The following DDX25 variants were observed in gnomAD, a reference collection of about 807,000 sequenced individuals.
DDX25 encodes the protein DEAD-box helicase 25, also known as ATP-dependent RNA helicase DDX25.
Under a neutral mutation model 64.6 loss-of-function variants are expected in DDX25, and 70 were observed. The observed-to-expected ratio is 1.08, with a 90% confidence interval of 0.89 to 1.32. The LOEUF is 1.32. DDX25 is among the 40% of genes most tolerant of loss of function. The pLI is 0.00. For synonymous variants in DDX25, 211 were observed against 213.3 expected, an observed-to-expected ratio of 0.99 and a Z score of 0.09; for missense variants, 587 against 604.4, an observed-to-expected ratio of 0.97 and a Z score of 0.30.
Position 125,928,513 on chromosome 11 carries a change from T to C in DDX25, c.*5632T>C, listed in dbSNP as rs1206257464. 1 of 152,238 alleles carries C rather than the reference T, an allele frequency of 6.6e-6. No homozygotes were observed. The highest frequency in any genetic ancestry group is 2.4e-5 in the African/African-American group (1 of 41,464). 9.4% of individuals were successfully genotyped at this position (152,238 alleles called of 1,614,324 possible). On this transcript the variant is annotated 3_prime_UTR_variant, in exon 12 of 12. Coordinates refer to ENST00000263576, the MANE Select transcript of DDX25 (RefSeq NM_013264.5). Reference sequence around the variant, plus strand: ...ACCAGGTCGAAAACTAGAAGCACTTTAACAGCATTTAACAGATTTTGTTAG... The same window carrying C: ...ACCAGGTCGAAAACTAGAAGCACTTCAACAGCATTTAACAGATTTTGTTAG...
intron 3 of DDX25, 22 bp from the exon 4 acceptor site, chr11:125,906,052 T>G: frequency 6.6e-7 from 1 of 1,526,166 alleles, no homozygotes; most frequent in Non-Finnish European, 8.8e-7. Flanking sequence ...TGATGTCCTC[T>G]TTTTTATTTT....
chr11:125,921,262 T>C lies in DDX25; in HGVS notation c.1273T>C (p.Tyr425His), dbSNP rs1244607321. 2 of 1,613,294 alleles carry C rather than the reference T, an allele frequency of 1.2e-6. No homozygotes were observed. The highest frequency in any genetic ancestry group is 1.3e-5 in the African/African-American group (1 of 75,046). The part of the protein sequence containing the change: ...LPVKQGEEPD[Y>H]ETYLHRIGRT... ...TGTAAAACAAGGAGAGGAGCCGGAC[T>C]ATGAGACCTACCTCCACCGCATAGG... is the stretch of plus-strand genomic sequence containing the variant. Residue 425 changes from tyrosine to histidine, a missense_variant, in exon 11 of 12, where the codon TAT becomes CAT. Transcript: ENST00000263576. This position sits in a 1 kb window ranked among gnomAD's most constrained non-coding sequence, Gnocchi z 4.1.
upstream of DDX25, chr11:125,904,415 A>G (rs1390094592): frequency 1.0e-5 from 12 of 1,146,184 alleles, no homozygotes; most frequent in Non-Finnish European, 1.3e-5. Context: ...GCGGACGCGG[A>G]CGCCTGCCCC....
chr11:125,922,293 T>C, intron 11 of DDX25: 1 of 152,496 alleles, frequency 6.6e-6, no homozygotes, highest in Non-Finnish European at 1.5e-5. Context: ...AAGGAACACC[T>C]TCCAGGACAG....
rs763976592 is a variant in DDX25 at position 125,917,157 on chromosome 11, A to G, written c.944A>G (p.Tyr315Cys). 3.1e-6 allele frequency: 5 copies of G among 1,611,434 alleles called. No homozygotes were observed. In the Admixed American group the frequency reaches 8.4e-5, roughly 27 times the overall value. ...EELTLNNIRQ[Y>C]YVLCEHRKDK... Reference sequence around the variant, plus strand: ...CTCACACTGAACAACATCCGGCAATATTACGTGCTGTGTGAGCACAGGAAA... The same window carrying G: ...CTCACACTGAACAACATCCGGCAATGTTACGTGCTGTGTGAGCACAGGAAA... The change falls in exon 9 of 12, where the codon TAT becomes TGT. Residue 315 changes from tyrosine (Y) to cysteine (C), a missense_variant. By Grantham distance (194) the Tyr-to-Cys change is radical. Coordinates refer to ENST00000263576, the MANE Select transcript of DDX25 (RefSeq NM_013264.5).
chr11:125,908,589 G>T, intron 6 of DDX25, 86 bp downstream of exon 6: 1 of 1,213,050 alleles, frequency 8.2e-7, no homozygotes, highest in Non-Finnish European at 1.2e-6. Context: ...CAATGATATG[G>T]TTACTATGGT....
Position 125,922,920 on chromosome 11 carries a change from G to A in DDX25, c.*39G>A, listed in dbSNP as rs1326477466. On this transcript the variant is annotated 3_prime_UTR_variant, in exon 12 of 12. Transcript: ENST00000263576. ...TTGTTTGTGCAGTATCCTAGTTTAT[G>A]TGAGAATGTCTCAGTGGGTTTTGAA... 1.3e-6 allele frequency: 2 copies of A among 1,560,512 alleles called. No homozygotes were observed. The highest frequency in any genetic ancestry group is 1.7e-6 in the Non-Finnish European group (2 of 1,146,852).
chr11:125,915,687 A>G (rs1445430313), intron 8 of DDX25, among the ~76,000 whole-genome samples: 1 of 152,226 alleles, frequency 6.6e-6, no homozygotes. Flanking sequence ...AGCATGTGGA[A>G]TGCAGAGTTT....
chr11:125,909,392 T>C (rs1248180965), intron 6 of DDX25, among the ~76,000 whole-genome samples: 1 of 152,190 alleles, frequency 6.6e-6, no homozygotes, highest in Non-Finnish European at 1.5e-5. Flanking sequence ...GAAAGATATT[T>C]TTAGCCCTTT....
Position 125,910,575 on chromosome 11 carries a change from T to G in DDX25, c.622+97T>G, listed in dbSNP as rs1591517038. ...ACTTCTTGGCATTCTCATCTCTAAA[T>G]GGGGGAAATAATACCACTCATGTCA... is the stretch of plus-strand genomic sequence containing the variant. On this transcript the variant is annotated intron_variant, in intron 7 of 11. Coordinates refer to ENST00000263576, the MANE Select transcript of DDX25 (RefSeq NM_013264.5). 10 of 1,027,102 alleles carry G rather than the reference T, an allele frequency of 9.7e-6. No homozygotes were observed. The East Asian group carries it at 2.4e-4, about 25-fold the overall frequency. The allele number at this position is 1,027,102 out of a possible 1,614,324, so 63.6% of individuals were successfully genotyped here.
At chr11:125,920,544 GAGTC>G (rs1303444800) in intron 10 of DDX25, among the ~76,000 whole-genome samples, 1 of 152,190 alleles carries the variant, frequency 6.6e-6, no homozygotes, top group African/African-American at 2.4e-5. Context: ...TTGTATTTGA[GAGTC>G]AGGAGAGAAA....
At chr11:125,907,468 T>G (rs2471478) in intron 4 of DDX25, among the ~76,000 whole-genome samples, 1 of 151,432 alleles carries the variant, frequency 6.6e-6, no homozygotes, top group African/African-American at 2.4e-5. Flanking sequence ...ATTAGCCAGG[T>G]GTGGTGGCGG....
chr11:125,906,296 TC>T (rs1362363654), intron 4 of DDX25, 87 bp downstream of exon 4: 4 of 1,393,480 alleles, frequency 2.9e-6, no homozygotes, highest in Middle Eastern at 1.9e-4. Context: ...CATCAGGATC[TC>T]CTCTTTGTTT....
At chr11:125,906,319 A>ATT (rs1202047385) in intron 4 of DDX25, 110 bp downstream of exon 4, 6 of 1,214,832 alleles carry the variant, frequency 4.9e-6, no homozygotes, top group Non-Finnish European at 5.2e-6. Context: ...CTGATATTCA[A>ATT]TATTTTTTTT....
Position 125,921,319 on chromosome 11 carries a change from G to T in DDX25, c.1330G>T (p.Ala444Ser). The T allele has an allele frequency of 6.2e-7, 1 of 1,613,824 alleles. No individual in the cohort carries two copies. The highest frequency in any genetic ancestry group is 2.2e-5 in the East Asian group (1 of 44,858). The change falls in exon 11 of 12, where the codon GCC becomes TCC. Residue 444 changes from alanine (A) to serine (S), a missense_variant. Physicochemically the swap from Ala to Ser is moderately conservative, Grantham distance 99. Transcript: ENST00000263576. This position sits in a 1 kb window ranked among gnomAD's most constrained non-coding sequence, Gnocchi z 4.1. Reference sequence around the variant, plus strand: ...GGGGCGCTTTGGGAAAAAAGGCCTTGCCTTCAACATGATTGAAGTAGATGA... The same window carrying T: ...GGGGCGCTTTGGGAAAAAAGGCCTTTCCTTCAACATGATTGAAGTAGATGA... ...RTGRFGKKGL[A>S]FNMIEVDELP...
upstream of DDX25, chr11:125,904,325 C>T (rs921534929): frequency 7.3e-6 from 3 of 410,368 alleles, no homozygotes; most frequent in Admixed American, 4.5e-5. Flanking sequence ...CTGCCCCCCG[C>T]CCCGCTCTCT....
In DDX25 at chr11:125,912,398, G is replaced by A. The variant is rs192615266; in HGVS notation, c.800+910G>A. 4.6e-5 allele frequency among the ~76,000 whole-genome samples: 7 copies of A among 152,208 alleles called. No individual in the cohort carries two copies. In the East Asian group the frequency reaches 9.7e-4, roughly 21 times the overall value. On this transcript the variant is annotated intron_variant, in intron 8 of 11. Coordinates refer to ENST00000263576, the MANE Select transcript of DDX25 (RefSeq NM_013264.5). ...ATTGTTCACTGCTGAGCCAAACAGC[G>A]TATTATTATAATTACAGTTGCCCCT...
At chr11:125,913,182 AT>A (rs1244871408) in intron 8 of DDX25, among the ~76,000 whole-genome samples, 7 of 149,228 alleles carry the variant, frequency 4.7e-5, no homozygotes, top group African/African-American at 1.7e-4. Flanking sequence ...AAAACCATCC[AT>A]TTCTCTTTTT....
intron 3 of DDX25, among the ~76,000 whole-genome samples, chr11:125,905,838 G>A (rs1446940216): frequency 6.6e-6 from 1 of 152,226 alleles, no homozygotes; most frequent in Non-Finnish European, 1.5e-5. Flanking sequence ...TGGTCTCATG[G>A]AGATGGACTT....
Sources: allele counts gnomAD v4.1 joint callset (sites outside exome capture counted in the v4.1 genomes callset), GRCh38; gene constraint gnomAD v4.1.1; non-coding constraint Gnocchi (gnomAD v3.1); transcripts MANE v1.5; gene names NCBI Gene and HGNC (gene_info 2026-07-23, HGNC 2026-07-21).